Variants in DIS3L2 observed in about 807,000 individuals in gnomAD.
The protein encoded by DIS3L2 is DIS3 like 3'-5' exoribonuclease 2, also known as DIS3-like exonuclease 2.
Under a neutral mutation model 97.5 loss-of-function variants are expected in DIS3L2, and 34 were observed. The ratio of observed to expected loss-of-function variants is 0.35; its 90% confidence interval spans 0.27 to 0.46. The LOEUF is 0.46. Among genes scored for constraint, DIS3L2 ranks in the 20% least tolerant of loss-of-function variants. DIS3L2 has a pLI of 1.00. For synonymous variants in DIS3L2, 435 were observed against 445.2 expected, an observed-to-expected ratio of 0.98 and a Z score of 0.29; for missense variants, 1,038 against 1,146.0, an observed-to-expected ratio of 0.91 and a Z score of 1.36.
intron 3 of DIS3L2, among the ~76,000 whole-genome samples, chr2:232,017,173 G>A (rs1294240963): frequency 6.6e-6 from 1 of 152,016 alleles, no homozygotes; most frequent in Non-Finnish European, 1.5e-5. Flanking sequence ...TGCAGCCTCT[G>A]CCTCCTGGAT....
At chr2:232,059,078 G>A (rs72989639) in intron 5 of DIS3L2, among the ~76,000 whole-genome samples, 2,219 of 152,128 alleles carry the variant, frequency 0.015, 23 homozygotes, top group Non-Finnish European at 0.021. Flanking sequence ...TTCCATTTTG[G>A]AATGCAATTT....
chr2:232,290,280 A>G (rs1694562913), intron 13 of DIS3L2, among the ~76,000 whole-genome samples: 1 of 152,254 alleles, frequency 6.6e-6, no homozygotes. Flanking sequence ...CATATTGCTC[A>G]GGCACGTGAG....
In DIS3L2 at chr2:232,276,089, A is replaced by T. The variant is rs955812410; in HGVS notation, c.1659+12649A>T. 1.3e-5 allele frequency among the ~76,000 whole-genome samples: 2 copies of T among 152,198 alleles called. No individual in the cohort carries two copies. Among genetic ancestry groups the T allele is most frequent in the African/African-American group, 4.8e-5 (2 of 41,444 alleles). ...AGGAAATCTGCCAGAGTAGATGGAG[A>T]TGAGGGCAACACCCAGGGAGGGAAT... On this transcript the variant is annotated intron_variant, in intron 13 of 20. Coordinates refer to ENST00000325385, the MANE Select transcript of DIS3L2 (RefSeq NM_152383.5). The surrounding 1 kb of genome is among the most constrained non-coding windows in gnomAD (Gnocchi z 4.4).
At chr2:232,333,537 T>C (rs1695834512) in intron 16 of DIS3L2, among the ~76,000 whole-genome samples, 1 of 152,154 alleles carries the variant, frequency 6.6e-6, no homozygotes, top group African/African-American at 2.4e-5. Flanking sequence ...CAGGGTGGGC[T>C]TGTCCAGGCC....
chr2:232,223,595 A>G (rs1307099772), intron 10 of DIS3L2, among the ~76,000 whole-genome samples: 3 of 152,372 alleles, frequency 2.0e-5, no homozygotes, highest in Admixed American at 6.5e-5. Context: ...TATAACAACA[A>G]AATGAGAAGG....
In DIS3L2 at chr2:232,087,635, G is replaced by T; in HGVS notation, c.515G>T (p.Gly172Val). Residue 172 changes from glycine (G) to valine (V), a missense_variant, in exon 6 of 21, where the codon GGC becomes GTC. By Grantham distance (109) the Gly-to-Val change is moderately radical (BLOSUM62 -3). Transcript: ENST00000325385. ...GTCATTGTAGAGGCTCAGTTTGATGGCAGCGACTCAGAAGATGGACATGGC... is the reference window on the plus strand; with the variant it reads ...GTCATTGTAGAGGCTCAGTTTGATGTCAGCGACTCAGAAGATGGACATGGC... ...PDVIVEAQFD[G>V]SDSEDGHGIT... 6.2e-7 allele frequency: 1 copy of T among 1,614,190 alleles called. No homozygotes were observed. Among genetic ancestry groups the T allele is most frequent in the South Asian group, 1.1e-5 (1 of 91,074 alleles).
At chr2:232,199,227 A>G (rs561539023) in intron 9 of DIS3L2, among the ~76,000 whole-genome samples, 75 of 152,352 alleles carry the variant, frequency 4.9e-4, no homozygotes, top group African/African-American at 1.5e-3. Context: ...ATTCACAGTT[A>G]TAAACAGTTT....
chr2:232,025,259 C>T (rs1694625459), intron 4 of DIS3L2, among the ~76,000 whole-genome samples: 1 of 152,014 alleles, frequency 6.6e-6, no homozygotes, highest in Admixed American at 6.6e-5. Flanking sequence ...GGAATATTTA[C>T]ATTACATACT....
chr2:232,162,898 A>G (rs1003572765), intron 8 of DIS3L2, among the ~76,000 whole-genome samples: 21 of 152,350 alleles, frequency 1.4e-4, no homozygotes, highest in African/African-American at 4.8e-4. Context: ...TTAATGGGCC[A>G]GTGCCCTAAA....
At position 232,293,359 on chromosome 2, in the gene DIS3L2, C is replaced by CCCAGGAGACCTG. The variant is rs1559196715; in HGVS notation, c.1660-6681_1660-6680insCCAGGAGACCTG. On this transcript the variant is annotated intron_variant, in intron 13 of 20. Transcript: ENST00000325385. This position sits in a 1 kb window ranked among gnomAD's most constrained non-coding sequence, Gnocchi z 4.6. ...CCTGCTGTGACAGTGATAAGGACAC[C>CCCAGGAGACCTG]GATTGCCCAGGAGACCTGGTGAAGC... is the stretch of plus-strand genomic sequence containing the variant. Among the ~76,000 whole-genome samples the CCCAGGAGACCTG allele has an allele frequency of 6.6e-6, 1 of 152,134 alleles. No individual in the cohort carries two copies. Among genetic ancestry groups the CCCAGGAGACCTG allele is most frequent in the African/African-American group, 2.4e-5 (1 of 41,434 alleles).
intron 8 of DIS3L2, among the ~76,000 whole-genome samples, chr2:232,160,253 A>C (rs949509628): frequency 1.3e-5 from 2 of 152,214 alleles, no homozygotes; most frequent in Admixed American, 1.3e-4. Context: ...GGAGTTTTCT[A>C]TGTGGGAAGG....
chr2:232,147,997 T>TCTCCTCTCCTCTCCTCTCCTCTCCTCTCC (rs1690267825), intron 8 of DIS3L2, among the ~76,000 whole-genome samples: 2 of 97,546 alleles, frequency 2.1e-5, no homozygotes, highest in Non-Finnish European at 4.1e-5. Context: ...CTCCCCTCTT[T>TCTCCTCTCCTCTCCTCTCCTCTCCTCTCC]TCTCCTCTCC....
At chr2:232,001,124 C>A (rs1693889990) in intron 1 of DIS3L2, among the ~76,000 whole-genome samples, 1 of 152,086 alleles carries the variant, frequency 6.6e-6, no homozygotes, top group Admixed American at 6.6e-5. Context: ...TTTTGAGAAA[C>A]CTCCAAACTG....
intron 5 of DIS3L2, among the ~76,000 whole-genome samples, chr2:232,068,693 A>G (rs1465618074): frequency 6.6e-6 from 1 of 152,108 alleles, no homozygotes; most frequent in African/African-American, 2.4e-5. Flanking sequence ...ATCCTTTGGA[A>G]TATCCTCAGG....
rs71056262 is a variant in DIS3L2, at chr2:232,270,860, G to GTCTC, written c.1659+7472_1659+7475dup. ...CGCACTCGCGCGCTCTCTTTTTCTCGTCTCTCTCTCTCTCTCTCTCTCTCT... is the reference window on the plus strand; with the variant it reads ...CGCACTCGCGCGCTCTCTTTTTCTCGTCTCTCTCTCTCTCTCTCTCTCTCTCTCT... On this transcript the variant is annotated intron_variant, in intron 13 of 20. Coordinates refer to ENST00000325385, the MANE Select transcript of DIS3L2 (RefSeq NM_152383.5). Among the ~76,000 whole-genome samples the GTCTC allele has an allele frequency of 4.5e-3, 468 of 103,820 alleles. 11 individuals are homozygous for GTCTC. The highest frequency in any genetic ancestry group is 9.8e-3 in the Middle Eastern group (2 of 204). 68.1% of individuals were successfully genotyped at this position (103,820 alleles called of 152,430 possible). A position where few individuals can be genotyped will look rare whatever the true frequency, so the allele number is the denominator to read the frequency against.
At chr2:232,157,243 C>T (rs1171292104) in intron 8 of DIS3L2, among the ~76,000 whole-genome samples, 1 of 152,108 alleles carries the variant, frequency 6.6e-6, no homozygotes, top group Non-Finnish European at 1.5e-5. Flanking sequence ...ATTATGTAGG[C>T]AAAACTAAAT....
intron 9 of DIS3L2, among the ~76,000 whole-genome samples, chr2:232,208,354 A>G (rs1692090267): frequency 1.3e-5 from 2 of 150,742 alleles, no homozygotes; most frequent in Admixed American, 1.3e-4. Flanking sequence ...TCTGTTGCCC[A>G]GGCTGGAATG....
At chr2:231,989,593 G>A (rs1693527178) in intron 1 of DIS3L2, among the ~76,000 whole-genome samples, 1 of 152,100 alleles carries the variant, frequency 6.6e-6, no homozygotes, top group African/African-American at 2.4e-5. Flanking sequence ...TCTCTGCACT[G>A]AGGGAGGCTG....
chr2:232,087,745 C>CTT, intron 6 of DIS3L2, 24 bp downstream of exon 6: 1 of 1,554,288 alleles, frequency 6.4e-7, no homozygotes, highest in Non-Finnish European at 8.8e-7. Context: ...TATTGTCTTA[C>CTT]TTTTTTTTTA....
Sources: gnomAD v4.1 joint callset for allele counts (sites outside exome capture counted in the v4.1 genomes callset) on GRCh38, gnomAD v4.1.1 for gene constraint, Gnocchi (gnomAD v3.1) non-coding constraint, MANE v1.5 for transcripts, NCBI Gene and HGNC (gene_info 2026-07-23, HGNC 2026-07-21) for gene names.